Variants in DARS1 observed in about 807,000 individuals in gnomAD.
DARS1 encodes the protein aspartate--tRNA ligase, cytoplasmic.
DARS1 carries 51 observed loss-of-function variants against 68.8 expected under a neutral mutation model. That is an observed-to-expected ratio of 0.74 (90% CI 0.59 to 0.94). The LOEUF (loss-of-function observed/expected upper bound fraction) is 0.94. Ranked by LOEUF, DARS1 falls within the 40% of genes least tolerant of loss-of-function variation. The pLI, the probability that DARS1 is intolerant of heterozygous loss-of-function variation, is 0.00. For missense variants in DARS1, 607 were observed against 597.3 expected, an observed-to-expected ratio of 1.02 and a Z score of -0.17; for synonymous variants, 203 against 190.4, an observed-to-expected ratio of 1.07 and a Z score of -0.55.
At chr2:135,977,364 A>G (rs1682523546) in intron 3 of DARS1, among the ~76,000 whole-genome samples, 1 of 152,232 alleles carries the variant, frequency 6.6e-6, no homozygotes. Context: ...ATTCATAACC[A>G]CTGGGAAGTA....
intron 2 of DARS1, among the ~76,000 whole-genome samples, chr2:135,981,001 A>C (rs919837643): frequency 6.6e-6 from 1 of 152,224 alleles, no homozygotes. Context: ...TTTCAGTTTG[A>C]AAACTGCACT....
chr2:135,985,645 C>T (rs1348857194), upstream of DARS1: 6 of 1,423,640 alleles, frequency 4.2e-6, no homozygotes, highest in African/African-American at 7.1e-5. Context: ...CTGCGGCTAT[C>T]TCGAGATCCC....
At chr2:135,982,468 C>G (rs191455526) in intron 2 of DARS1, among the ~76,000 whole-genome samples, 1 of 151,674 alleles carries the variant, frequency 6.6e-6, no homozygotes, top group Non-Finnish European at 1.5e-5. Context: ...TGGCGGTGTG[C>G]GCCTGTAGTC....
chr2:135,982,479 C>T (rs950312194), intron 2 of DARS1, among the ~76,000 whole-genome samples: 1 of 151,500 alleles, frequency 6.6e-6, no homozygotes, highest in East Asian at 1.9e-4. Context: ...GCCTGTAGTC[C>T]CAGCTGCTCA....
Position 135,982,619 on chromosome 2 carries a change from A to G in DARS1, c.124+778T>C, listed in dbSNP as rs116599033. Reference sequence around the variant, plus strand: ...TCCCAAAAAAAAAAAAAAGAAATATAAAGATGCCAACATACACTAACAAAA... The same window carrying G: ...TCCCAAAAAAAAAAAAAAGAAATATGAAGATGCCAACATACACTAACAAAA... On this transcript the variant is annotated intron_variant, in intron 2 of 15. Coordinates refer to ENST00000264161, the MANE Select transcript of DARS1 (RefSeq NM_001349.4). Among the ~76,000 whole-genome samples the G allele has an allele frequency of 8.2e-3, 1,245 of 152,070 alleles. 11 individuals carry two copies. Among genetic ancestry groups the G allele is most frequent in the African/African-American group, 0.027 (1,103 of 41,466 alleles).
chr2:135,916,396 A>C, intron 10 of DARS1, 24 bp from the exon 11 acceptor site: 1 of 1,380,706 alleles, frequency 7.2e-7, no homozygotes, highest in South Asian at 1.2e-5. Context: ...GATTTAGTTA[A>C]TAAAATGTAT....
At chr2:135,964,712 G>T (rs1484565432) in intron 3 of DARS1, among the ~76,000 whole-genome samples, 1 of 151,706 alleles carries the variant, frequency 6.6e-6, no homozygotes, top group East Asian at 1.9e-4. Flanking sequence ...GTGGTGGCAG[G>T]TGCCTGTAAT....
intron 5 of DARS1, among the ~76,000 whole-genome samples, chr2:135,936,332 A>G (rs902749994): frequency 6.6e-6 from 1 of 152,222 alleles, no homozygotes; most frequent in African/African-American, 2.4e-5. Flanking sequence ...AGACAATAAG[A>G]ATATCTTAAA....
chr2:135,907,458 TCTTA>T, intron 15 of DARS1, 51 bp from the exon 16 acceptor site: 1 of 1,277,430 alleles, frequency 7.8e-7, no homozygotes, highest in Non-Finnish European at 1.1e-6. Context: ...TCTCTCAGGG[TCTTA>T]CTTAGAACTA....
intron 9 of DARS1, among the ~76,000 whole-genome samples, chr2:135,921,441 A>C (rs1293170083): frequency 2.6e-5 from 4 of 151,906 alleles, no homozygotes; most frequent in African/African-American, 9.7e-5. Context: ...TATATATCCT[A>C]CTTTGTCCTT....
At chr2:135,946,671 T>C (rs1235540314) in intron 4 of DARS1, among the ~76,000 whole-genome samples, 1 of 152,106 alleles carries the variant, frequency 6.6e-6, no homozygotes, top group Admixed American at 6.5e-5. Flanking sequence ...AATTTCTGTA[T>C]AGGAGACACG....
chr2:135,981,190 C>CA (rs1558803064), intron 2 of DARS1, among the ~76,000 whole-genome samples: 1 of 152,132 alleles, frequency 6.6e-6, no homozygotes, highest in African/African-American at 2.4e-5. Flanking sequence ...GATTTGCCAG[C>CA]AAAAGAACAA....
chr2:135,910,546 T>C (rs1680874286), intron 15 of DARS1, among the ~76,000 whole-genome samples: 1 of 152,182 alleles, frequency 6.6e-6, no homozygotes, highest in Admixed American at 6.5e-5. Context: ...CTTCTGCAAA[T>C]GGACATTAGT....
chr2:135,907,199 G>C lies in DARS1; in HGVS notation c.*117C>G, dbSNP rs930093338. 1.8e-4 allele frequency: 109 copies of C among 602,622 alleles called. No individual in the cohort carries two copies. The highest frequency in any genetic ancestry group is 4.5e-4 in the Middle Eastern group (1 of 2,218). The allele number at this position is 602,622 out of a possible 1,614,324, so 37.3% of individuals were successfully genotyped here. On this transcript the variant is annotated 3_prime_UTR_variant, in exon 16 of 16. Coordinates refer to ENST00000264161, the MANE Select transcript of DARS1 (RefSeq NM_001349.4). ...GCATATTTTAAGTACCTAAAGTACA[G>C]CCTGTGCACTAGCAGGTTACTGAAA...
intron 3 of DARS1, among the ~76,000 whole-genome samples, chr2:135,970,409 T>C (rs559624531): frequency 2.0e-5 from 3 of 151,974 alleles, no homozygotes; most frequent in African/African-American, 7.2e-5. Context: ...AATGAAGAAA[T>C]TAAGGAAATC....
intron 7 of DARS1, among the ~76,000 whole-genome samples, chr2:135,927,392 CTTATA>C (rs1681242773): frequency 6.6e-6 from 1 of 151,906 alleles, no homozygotes; most frequent in South Asian, 2.1e-4. Flanking sequence ...GTACAAATAC[CTTATA>C]TATTTAATTT....
chr2:135,973,406 T>C (rs575536687), intron 3 of DARS1, among the ~76,000 whole-genome samples: 5 of 151,104 alleles, frequency 3.3e-5, no homozygotes, highest in South Asian at 2.1e-4. Flanking sequence ...AATAGAAAGA[T>C]AGTTAACAGA....
At chr2:135,982,465 G>A (rs1682657110) in intron 2 of DARS1, among the ~76,000 whole-genome samples, 1 of 151,844 alleles carries the variant, frequency 6.6e-6, no homozygotes, top group African/African-American at 2.4e-5. Context: ...GCGTGGCGGT[G>A]TGCGCCTGTA....
intron 3 of DARS1, among the ~76,000 whole-genome samples, chr2:135,972,381 A>G (rs1024664843): frequency 3.3e-5 from 5 of 152,204 alleles, no homozygotes; most frequent in African/African-American, 1.2e-4. Context: ...ATCCATATGC[A>G]AAAGACTAAA....
Sources: gnomAD v4.1 joint callset for allele counts (sites outside exome capture counted in the v4.1 genomes callset) on GRCh38, gnomAD v4.1.1 for gene constraint, MANE v1.5 for transcripts, NCBI Gene and HGNC (gene_info 2026-07-23, HGNC 2026-07-21) for gene names.